NRXN3: variants seen among roughly 807,000 people sequenced by gnomAD.
The protein encoded by NRXN3 is neurexin III.
NRXN3 carries 32 observed loss-of-function variants against 137.6 expected under a neutral mutation model. The observed-to-expected ratio is 0.23, with a 90% CI of 0.18 to 0.31. The LOEUF is 0.31. Ranked by LOEUF, NRXN3 falls within the 10% of genes least tolerant of loss-of-function variation. The pLI, the probability that NRXN3 is intolerant of heterozygous loss-of-function variation, is 1.00. For synonymous variants in NRXN3, 798 were observed against 784.5 expected, an observed-to-expected ratio of 1.02 and a Z score of -0.29; for missense variants, 1,574 against 2,062.5, an observed-to-expected ratio of 0.76 and a Z score of 4.59.
chr14:78,719,323 A>G (rs2098448485), intron 8 of NRXN3, among the ~76,000 whole-genome samples: 1 of 152,086 alleles, frequency 6.6e-6, no homozygotes, highest in African/African-American at 2.4e-5. Flanking sequence ...CTCTCCAGTG[A>G]CTCTTGTTCC....
chr14:79,664,622 CCCAGAG>C (rs1293006705), intron 17 of NRXN3, among the ~76,000 whole-genome samples: 2 of 152,120 alleles, frequency 1.3e-5, no homozygotes, highest in Non-Finnish European at 2.9e-5. Context: ...GCAACAAATT[CCCAGAG>C]CCAGATGGCT....
intron 2 of NRXN3, among the ~76,000 whole-genome samples, chr14:78,258,542 A>G (rs368144382): frequency 5.4e-4 from 82 of 152,240 alleles, no homozygotes; most frequent in Middle Eastern, 3.4e-3. Context: ...TTAGAGGAAA[A>G]GGAGCCTAAA....
chr14:78,810,631 A>T (rs1392594368), intron 10 of NRXN3, among the ~76,000 whole-genome samples: 1 of 152,138 alleles, frequency 6.6e-6, no homozygotes, highest in Non-Finnish European at 1.5e-5. Context: ...AATAATGAAA[A>T]ATCAAGTTGA....
At chr14:79,849,790 G>A (rs1056689522) in intron 20 of NRXN3, among the ~76,000 whole-genome samples, 5 of 152,252 alleles carry the variant, frequency 3.3e-5, no homozygotes, top group African/African-American at 1.2e-4. Flanking sequence ...TCTTGTAGAG[G>A]TATCTGCACT....
At chr14:78,430,974 C>T (rs2093855148) in intron 4 of NRXN3, among the ~76,000 whole-genome samples, 1 of 151,658 alleles carries the variant, frequency 6.6e-6, no homozygotes, top group Non-Finnish European at 1.5e-5. Flanking sequence ...CTGCTTCATT[C>T]CTCTGCCTTT....
At chr14:79,684,088 A>T (rs1361252449) in intron 17 of NRXN3, among the ~76,000 whole-genome samples, 1 of 152,230 alleles carries the variant, frequency 6.6e-6, no homozygotes, top group Non-Finnish European at 1.5e-5. Context: ...AAATATGCTT[A>T]TTAAATTTGC....
At chr14:79,027,202 A>G (rs929292904) in intron 15 of NRXN3, among the ~76,000 whole-genome samples, 2 of 149,204 alleles carry the variant, frequency 1.3e-5, no homozygotes, top group Non-Finnish European at 2.9e-5. Context: ...TTCTTTTGAT[A>G]AAAGGAAAAG....
chr14:79,011,399 A>G (rs1227751403), intron 15 of NRXN3, among the ~76,000 whole-genome samples: 2 of 8,974 alleles, frequency 2.2e-4, no homozygotes, highest in South Asian at 6.4e-3. Context: ...CCTCCCCCCA[A>G]CCCCACCCCA....
intron 19 of NRXN3, among the ~76,000 whole-genome samples, chr14:79,775,416 G>A (rs1568210053): frequency 2.0e-5 from 3 of 151,988 alleles, no homozygotes; most frequent in South Asian, 2.1e-4. Flanking sequence ...TTTCAAGTTA[G>A]GGTAGTAGGA....
chr14:79,714,444 G>C (rs924761096), intron 19 of NRXN3, among the ~76,000 whole-genome samples: 1 of 152,156 alleles, frequency 6.6e-6, no homozygotes, highest in African/African-American at 2.4e-5. Flanking sequence ...AATATTTGAA[G>C]AAGTAAGAGG....
chr14:79,392,138 C>T (rs543964199), intron 15 of NRXN3, among the ~76,000 whole-genome samples: 1 of 152,278 alleles, frequency 6.6e-6, no homozygotes, highest in South Asian at 2.1e-4. Context: ...TGCTCTCCCT[C>T]CCCTAACCCC....
intron 15 of NRXN3, among the ~76,000 whole-genome samples, chr14:79,321,650 A>G (rs1264212326): frequency 2.0e-5 from 3 of 151,770 alleles, no homozygotes; most frequent in Admixed American, 6.6e-5. Context: ...ATACACATAT[A>G]TGTGTATAGT....
At chr14:79,571,691 G>C (rs2097604626) in intron 16 of NRXN3, among the ~76,000 whole-genome samples, 1 of 152,156 alleles carries the variant, frequency 6.6e-6, no homozygotes, top group South Asian at 2.1e-4. Context: ...AGCTAGTTTG[G>C]TAACAAAAAG....
At chr14:78,947,651 T>C (rs985213728) in intron 10 of NRXN3, among the ~76,000 whole-genome samples, 6 of 152,220 alleles carry the variant, frequency 3.9e-5, no homozygotes, top group Non-Finnish European at 7.3e-5. Flanking sequence ...TGAAGAGCTA[T>C]GTGATTGTGC....
chr14:78,186,379 G>A (rs1288612780), intron 1 of NRXN3, among the ~76,000 whole-genome samples: 1 of 152,264 alleles, frequency 6.6e-6, no homozygotes, highest in Non-Finnish European at 1.5e-5. Context: ...AGGAACCTGA[G>A]TTCATGCTTT....
At chr14:78,725,809 C>T (rs1349246634) in intron 8 of NRXN3, among the ~76,000 whole-genome samples, 8 of 152,300 alleles carry the variant, frequency 5.3e-5, no homozygotes, top group Non-Finnish European at 1.0e-4. Context: ...TCCTAAATTG[C>T]TGTGTAGAGT....
At chr14:79,213,634 G>T (rs536889720) in intron 15 of NRXN3, among the ~76,000 whole-genome samples, 27 of 151,274 alleles carry the variant, frequency 1.8e-4, no homozygotes, top group South Asian at 4.2e-4. Context: ...TTGGGGGGGG[G>T]TGGCGGGAAC....
intron 15 of NRXN3, among the ~76,000 whole-genome samples, chr14:79,377,763 G>A (rs2094347905): frequency 6.6e-6 from 1 of 152,124 alleles, no homozygotes; most frequent in South Asian, 2.1e-4. Context: ...CTCAAAAAAA[G>A]AAATATGTCT....
chr14:79,341,681 A>G (rs2092618428), intron 15 of NRXN3, among the ~76,000 whole-genome samples: 2 of 152,186 alleles, frequency 1.3e-5, no homozygotes, highest in African/African-American at 4.8e-5. Context: ...AGGGTATAAT[A>G]ATTGGTTATA....
Sources: gnomAD v4.1 joint callset for allele counts (sites outside exome capture counted in the v4.1 genomes callset) on GRCh38, gnomAD v4.1.1 for gene constraint, MANE v1.5 for transcripts, NCBI Gene and HGNC (gene_info 2026-07-23, HGNC 2026-07-21) for gene names.